The following DNAJC1 variants were observed in gnomAD, a reference collection of about 807,000 sequenced individuals.
DNAJC1 encodes dnaJ homolog subfamily C member 1.
In DNAJC1, 58 loss-of-function variants were observed where a neutral mutation model predicts 76.6. The observed-to-expected ratio is 0.76, with a 90% CI of 0.61 to 0.94. DNAJC1 has a LOEUF of 0.94. Among genes scored for constraint, DNAJC1 ranks in the 40% least tolerant of loss-of-function variants. The probability of loss-of-function intolerance (pLI) is 0.00; values close to 1 mark genes in which losing one functional copy is unlikely to be tolerated. For synonymous variants in DNAJC1, 258 were observed against 267.9 expected (o/e 0.96, Z 0.36); for missense variants, 689 against 677.3 (o/e 1.02, Z -0.19).
At chr10:21,827,817 G>A (rs1835287004) in intron 8 of DNAJC1, among the ~76,000 whole-genome samples, 1 of 152,146 alleles carries the variant, frequency 6.6e-6, no homozygotes, top group South Asian at 2.1e-4. Flanking sequence ...ATACATTGAT[G>A]ACTACATATA....
intron 1 of DNAJC1, among the ~76,000 whole-genome samples, chr10:21,960,322 C>T (rs576982004): frequency 4.8e-4 from 73 of 152,102 alleles, no homozygotes; most frequent in African/African-American, 1.6e-3. Context: ...AAATAGTACA[C>T]CATTTAAAAA....
At chr10:21,811,583 C>G (rs1834967045) in intron 8 of DNAJC1, among the ~76,000 whole-genome samples, 1 of 152,162 alleles carries the variant, frequency 6.6e-6, no homozygotes, top group African/African-American at 2.4e-5. Context: ...AACTTTTAGT[C>G]TTTTAAAGAA....
chr10:21,976,452 G>A (rs1838063798), intron 1 of DNAJC1, among the ~76,000 whole-genome samples: 2 of 152,116 alleles, frequency 1.3e-5, no homozygotes, highest in Non-Finnish European at 2.9e-5. Flanking sequence ...CTACCCACAG[G>A]TCCTGAAAGT....
At chr10:21,803,776 A>AT (rs1158282320) in intron 9 of DNAJC1, 9 of 916,784 alleles carry the variant, frequency 9.8e-6, no homozygotes, top group South Asian at 1.0e-4. Context: ...TTATAATGGC[A>AT]TTTTTTTGTA....
intron 8 of DNAJC1, among the ~76,000 whole-genome samples, chr10:21,823,683 G>C (rs1835195330): frequency 6.6e-6 from 1 of 151,334 alleles, no homozygotes; most frequent in Admixed American, 6.6e-5. Flanking sequence ...AGTGGAAGAA[G>C]AGTTGTCTTG....
chr10:21,978,600 G>C (rs1312717562), intron 1 of DNAJC1, among the ~76,000 whole-genome samples: 2 of 152,024 alleles, frequency 1.3e-5, no homozygotes, highest in Non-Finnish European at 2.9e-5. Context: ...GTATGTAAAA[G>C]GCAGGAATCC....
At chr10:21,785,807 T>A (rs978929264) in intron 9 of DNAJC1, among the ~76,000 whole-genome samples, 1 of 151,902 alleles carries the variant, frequency 6.6e-6, no homozygotes, top group Non-Finnish European at 1.5e-5. Flanking sequence ...TGAAAAAAGA[T>A]GGAAAAGGAG....
chr10:21,922,872 T>A (rs532768543), intron 3 of DNAJC1, among the ~76,000 whole-genome samples: 1 of 152,086 alleles, frequency 6.6e-6, no homozygotes, highest in South Asian at 2.1e-4. Flanking sequence ...AAAGTATAGT[T>A]ATTGATAAAG....
At chr10:21,893,733 C>T (rs1836492975) in intron 7 of DNAJC1, among the ~76,000 whole-genome samples, 1 of 151,646 alleles carries the variant, frequency 6.6e-6, no homozygotes, top group Non-Finnish European at 1.5e-5. Context: ...AAAAAAGCCT[C>T]AAATTAATAA....
At chr10:21,873,195 G>A (rs2131711524) in intron 8 of DNAJC1, among the ~76,000 whole-genome samples, 1 of 152,248 alleles carries the variant, frequency 6.6e-6, no homozygotes, top group Middle Eastern at 3.4e-3. Flanking sequence ...CTCCCTTGGG[G>A]AGCTCGGATT....
intron 9 of DNAJC1, among the ~76,000 whole-genome samples, chr10:21,788,753 C>T (rs796408230): frequency 6.6e-6 from 1 of 152,198 alleles, no homozygotes; most frequent in African/African-American, 2.4e-5. Context: ...CCTACTGGTT[C>T]AAGCTCCTGA....
intron 8 of DNAJC1, among the ~76,000 whole-genome samples, chr10:21,881,845 A>AG (rs1836284154): frequency 1.0e-5 from 1 of 98,534 alleles, no homozygotes; most frequent in African/African-American, 5.2e-5. Context: ...CTCAATTTGT[A>AG]AAAAAAAAAA....
intron 8 of DNAJC1, among the ~76,000 whole-genome samples, chr10:21,876,677 G>C (rs982284591): frequency 3.3e-5 from 5 of 152,272 alleles, no homozygotes; most frequent in African/African-American, 1.2e-4. Flanking sequence ...AGACCGTGTG[G>C]TAGTAGCACA....
chr10:21,817,020 C>T (rs996727162), intron 8 of DNAJC1, among the ~76,000 whole-genome samples: 16 of 149,376 alleles, frequency 1.1e-4, no homozygotes, highest in Non-Finnish European at 3.0e-5. Flanking sequence ...ATTAGCCGGG[C>T]GTGGTGGCGG....
At chr10:21,908,541 G>GA (rs1243595686) in intron 6 of DNAJC1, among the ~76,000 whole-genome samples, 13 of 150,550 alleles carry the variant, frequency 8.6e-5, no homozygotes, top group Admixed American at 3.3e-4. Context: ...CGTTTAATGG[G>GA]AAAAATAAGC....
In DNAJC1 at chr10:21,866,134, C is replaced by CAA. The variant is rs1306930222; in HGVS notation, c.978+16146_978+16147dup. Among the ~76,000 whole-genome samples the CAA allele has an allele frequency of 4.1e-3, 140 of 33,998 alleles. 4 individuals carry two copies. Among genetic ancestry groups the CAA allele is most frequent in the Middle Eastern group, 0.014 (1 of 72 alleles). 22.3% of individuals were successfully genotyped at this position (33,998 alleles called of 152,430 possible). A position where few individuals can be genotyped will look rare whatever the true frequency, so the allele number is the denominator to read the frequency against. On this transcript the variant is annotated intron_variant, in intron 8 of 11. Transcript: ENST00000376980. ...TGGGCGAGAGAGTGAGACTTCAACT[C>CAA]AAAAAAAAAAAAAAAAAAAAAGTAC... is the stretch of plus-strand genomic sequence containing the variant.
At chr10:21,955,717 C>A (rs2131812116) in intron 1 of DNAJC1, among the ~76,000 whole-genome samples, 1 of 152,162 alleles carries the variant, frequency 6.6e-6, no homozygotes, top group African/African-American at 2.4e-5. Flanking sequence ...TTGTTTTTTA[C>A]TAAGTTTTTT....
At chr10:21,766,924 T>C (rs1287868264) in intron 9 of DNAJC1, among the ~76,000 whole-genome samples, 2 of 147,862 alleles carry the variant, frequency 1.4e-5, no homozygotes, top group Admixed American at 6.8e-5. Flanking sequence ...AAGCTGACAT[T>C]GCACCACTGC....
chr10:22,003,310 A>G lies in DNAJC1; in HGVS notation c.125T>C (p.Val42Ala). The change falls in exon 1 of 12, where the codon GTG becomes GCG. Residue 42 changes from valine (V) to alanine (A), a missense_variant. Transcript: ENST00000376980. ...LWLLLLLLAA[V>A]APARGWESGD... ...GCTCTCCCAGCCGCGCGCCGGCGCCACGGCGGCCAGCAGCAGCAGCAGCAG... is the reference window on the plus strand; with the variant it reads ...GCTCTCCCAGCCGCGCGCCGGCGCCGCGGCGGCCAGCAGCAGCAGCAGCAG... 6.6e-7 allele frequency: 1 copy of G among 1,524,570 alleles called. No homozygotes were observed. The highest frequency in any genetic ancestry group is 8.8e-7 in the Non-Finnish European group (1 of 1,136,602). 94.4% of individuals were successfully genotyped at this position (1,524,570 alleles called of 1,614,324 possible). A position where few individuals can be genotyped will look rare whatever the true frequency, so the allele number is the denominator to read the frequency against.
Sources: gnomAD v4.1 joint callset for allele counts (sites outside exome capture counted in the v4.1 genomes callset) on GRCh38, gnomAD v4.1.1 for gene constraint, MANE v1.5 for transcripts, NCBI Gene and HGNC (gene_info 2026-07-23, HGNC 2026-07-21) for gene names.